MGST2: variants seen among roughly 807,000 people sequenced by gnomAD.
MGST2 encodes glutathione peroxidase MGST2.
In MGST2, 9 loss-of-function variants were observed where a neutral mutation model predicts 16.6. The ratio of observed to expected loss-of-function variants is 0.54; its 90% CI spans 0.33 to 0.95. MGST2 has a LOEUF of 0.95. MGST2 is among the 40% of genes least tolerant of loss of function. The pLI, the probability that MGST2 is intolerant of heterozygous loss-of-function variation, is 0.03. For missense variants in MGST2, 159 were observed against 175.1 expected, an observed-to-expected ratio of 0.91 and a Z score of 0.52; for synonymous variants, 79 against 68.0, an observed-to-expected ratio of 1.16 and a Z score of -0.79.
chr4:139,743,403 C>A (rs1553882), downstream of MGST2, among the ~76,000 whole-genome samples: 147,809 of 152,352 alleles, frequency 0.97, 71,853 homozygotes, highest in East Asian at 1. Context: ...TGATAGACAC[C>A]GTTTCTTGTA....
At position 139,715,970 on chromosome 4, in the gene MGST2, C is replaced by T. The variant is rs527783872; in HGVS notation, c.*48+11774C>T. The stretch of plus-strand genomic sequence containing the variant: ...TAACATGGAGTTGCTCTGGTTCACA[C>T]GCCTCTGACAAAACTCCTGGGCTCA... On this transcript the variant is annotated intron_variant, in intron 5 of 5. Transcript: ENST00000616265. This position sits in a 1 kb window ranked among gnomAD's most constrained non-coding sequence, Gnocchi z 4.4. Among the ~76,000 whole-genome samples, 19 of 152,258 alleles carry T rather than the reference C, an allele frequency of 1.2e-4. No homozygotes were observed. The highest frequency in any genetic ancestry group is 2.1e-4 in the Non-Finnish European group (14 of 68,026).
At chr4:139,750,077 C>G in the MGST2 span, among the ~76,000 whole-genome samples, 1 of 152,150 alleles carries the variant, frequency 6.6e-6, no homozygotes, top group Non-Finnish European at 1.5e-5. Flanking sequence ...GTGAAACACA[C>G]AAGAAACTCT....
At position 139,667,438 on chromosome 4, in the gene MGST2, C is replaced by T. The variant is rs368411211; in HGVS notation, c.58+1361C>T. Among the ~76,000 whole-genome samples, 19 of 128,736 alleles carry T rather than the reference C, an allele frequency of 1.5e-4. No individual in the cohort carries two copies. The East Asian group carries it at 4.3e-3, about 29-fold the overall frequency. The allele number at this position is 128,736 out of a possible 152,430, so 84.5% of individuals were successfully genotyped here. A position where few individuals can be genotyped will look rare whatever the true frequency, so the allele number is the denominator to read the frequency against. On this transcript the variant is annotated intron_variant, in intron 1 of 4. Coordinates refer to ENST00000265498, the MANE Select transcript of MGST2 (RefSeq NM_002413.5). ...AGGTGCTCATCCTCCCTGTTTGCTG[C>T]TTGTGCAGGGGGCTGTGTGAACTGG...
intron 1 of MGST2, among the ~76,000 whole-genome samples, chr4:139,673,348 T>A (rs1192203193): frequency 1.3e-5 from 2 of 152,164 alleles, no homozygotes; most frequent in Non-Finnish European, 2.9e-5. Context: ...CAAGGAGAAC[T>A]GGGCAGCTAA....
At chr4:139,723,718 TA>T (rs542311778) in intron 5 of MGST2, among the ~76,000 whole-genome samples, 2 of 152,130 alleles carry the variant, frequency 1.3e-5, no homozygotes, top group Non-Finnish European at 2.9e-5. Context: ...CCCCCACAAA[TA>T]ATACATGAGT....
At position 139,735,801 on chromosome 4, in the gene MGST2, G is replaced by C. The variant is rs530971619; in HGVS notation, c.*49-4411G>C. ...CCCGGCAGGACCTAGACTGCCTCTC[G>C]GCGCAGGCGGCCCTAACAAAGAAGC... On this transcript the variant is annotated intron_variant, in intron 5 of 5. Transcript: ENST00000616265. The surrounding 1 kb of genome is among the most constrained non-coding windows in gnomAD (Gnocchi z 5.8). 1.7e-3 allele frequency among the ~76,000 whole-genome samples: 261 copies of C among 152,216 alleles called. 2 individuals are homozygous for C. The highest frequency in any genetic ancestry group is 5.7e-3 in the African/African-American group (236 of 41,536).
At chr4:139,666,119 TG>T in intron 1 of MGST2, 42 bp downstream of exon 1, 1 of 414,844 alleles carries the variant, frequency 2.4e-6, no homozygotes, top group Non-Finnish European at 3.2e-6. Context: ...CGTGTGTGCG[TG>T]TGTGTGTGTG....
At chr4:139,709,010 A>G (rs201737931), downstream of MGST2, among the ~76,000 whole-genome samples, 42,900 of 137,780 alleles carry the variant, frequency 0.31, 8,173 homozygotes, top group Admixed American at 0.39. Flanking sequence ...AAAAAAAAAA[A>G]AAAAAGAAAA....
At chr4:139,686,219 C>A (rs1486766874) in intron 2 of MGST2, among the ~76,000 whole-genome samples, 2 of 152,148 alleles carry the variant, frequency 1.3e-5, no homozygotes, top group Non-Finnish European at 2.9e-5. Context: ...TCCTGGTTGA[C>A]AACTGGTTGA....
In MGST2 at chr4:139,672,628, G is replaced by A. The variant is rs546443594; in HGVS notation, c.59-5915G>A. On this transcript the variant is annotated intron_variant, in intron 1 of 4. Transcript: ENST00000265498. The stretch of plus-strand genomic sequence containing the variant: ...TACAGTGGTGCGATCTCAGCTCACT[G>A]CAACCTCCGCCTCCTGGGTTTCAGC... 2.1e-4 allele frequency among the ~76,000 whole-genome samples: 31 copies of A among 149,054 alleles called. No individual in the cohort carries two copies. In the South Asian group the frequency reaches 6.6e-3, roughly 32 times the overall value.
chr4:139,720,184 C>T lies in MGST2; in HGVS notation c.*48+15988C>T, dbSNP rs367655171. On this transcript the variant is annotated intron_variant, in intron 5 of 5. Coordinates refer to the MGST2 transcript ENST00000616265. ...AAGGGGCCAGTCCCATCTCCGACTG[C>T]GCAGCTGCGGTGGCCATCGTCCCAG... 4.2e-4 allele frequency: 672 copies of T among 1,613,904 alleles called. 1 individual carries two copies. Among genetic ancestry groups the T allele is most frequent in the East Asian group, 6.7e-4 (30 of 44,894 alleles).
downstream of MGST2, among the ~76,000 whole-genome samples, chr4:139,706,040 T>C (rs902795806): frequency 3.3e-5 from 5 of 152,330 alleles, no homozygotes; most frequent in African/African-American, 1.2e-4. Context: ...GTAGTACTTT[T>C]CTTTTTTTGT....
chr4:139,687,800 C>T (rs1436200637), intron 2 of MGST2: 1 of 152,178 alleles, frequency 6.6e-6, no homozygotes, highest in Non-Finnish European at 1.5e-5. Flanking sequence ...GTTACTAGCC[C>T]TGGGCTCCTT....
At position 139,701,028 on chromosome 4, in the gene MGST2, T is replaced by A. The variant is rs114563422; in HGVS notation, c.230-2427T>A. On this transcript the variant is annotated intron_variant, in intron 3 of 4. Transcript: ENST00000265498. The stretch of plus-strand genomic sequence containing the variant: ...AAAGACTTCTTCACTTTATTACAAC[T>A]ATACTTGTGTCGCTTAAGGGCATGA... Among the ~76,000 whole-genome samples, 1,078 of 152,326 alleles carry A rather than the reference T, an allele frequency of 7.1e-3. 11 individuals are homozygous for A. The highest frequency in any genetic ancestry group is 0.03 in the South Asian group (143 of 4,828).
Position 139,740,477 on chromosome 4 carries a change from T to G in MGST2, c.*314T>G, listed in dbSNP as rs888279895. 3 of 152,116 alleles carry G rather than the reference T, an allele frequency of 2.0e-5. No homozygotes were observed. In the East Asian group the frequency reaches 5.8e-4, roughly 29 times the overall value. 9.4% of individuals were successfully genotyped at this position (152,116 alleles called of 1,614,324 possible). On this transcript the variant is annotated 3_prime_UTR_variant, in exon 6 of 6. Transcript: ENST00000616265. The stretch of plus-strand genomic sequence containing the variant: ...TACCCATATGTTTGCTACCTTTCTT[T>G]CCTTGATTTAAAAATAGGGAGGGGG...
In MGST2 at chr4:139,691,915, C is replaced by T. The variant is rs536665112; in HGVS notation, c.159-3282C>T. ...CGGGGTTTCACCGTGTTAGCCAGGA[C>T]GGTCTCGATCTCCTGACCTCGTGAT... On this transcript the variant is annotated intron_variant, in intron 2 of 4. Coordinates refer to ENST00000265498, the MANE Select transcript of MGST2 (RefSeq NM_002413.5). Among the ~76,000 whole-genome samples, 24 of 152,126 alleles carry T rather than the reference C, an allele frequency of 1.6e-4. No individual in the cohort carries two copies. In the East Asian group the frequency reaches 3.7e-3, roughly 23 times the overall value.
intron 5 of MGST2, among the ~76,000 whole-genome samples, chr4:139,713,438 T>C (rs1727811409): frequency 1.4e-5 from 2 of 138,624 alleles, no homozygotes; most frequent in African/African-American, 5.5e-5. Context: ...GAAGTTATCT[T>C]AGGGCCTCTC....
intron 2 of MGST2, among the ~76,000 whole-genome samples, chr4:139,693,336 C>T (rs867539264): frequency 1.4e-5 from 2 of 141,562 alleles, no homozygotes; most frequent in Non-Finnish European, 3.0e-5. Context: ...ACCCAGGAGG[C>T]GGAGCTTGTA....
chr4:139,738,636 G>A (rs188780028), intron 5 of MGST2, among the ~76,000 whole-genome samples: 1 of 152,086 alleles, frequency 6.6e-6, no homozygotes, highest in Non-Finnish European at 1.5e-5. Context: ...ACATTTTGCC[G>A]ATTCCTTCCT....
Sources: gnomAD v4.1 joint callset for allele counts (sites outside exome capture counted in the v4.1 genomes callset) on GRCh38, gnomAD v4.1.1 for gene constraint, Gnocchi (gnomAD v3.1) non-coding constraint, MANE v1.5 for transcripts, NCBI Gene and HGNC (gene_info 2026-07-23, HGNC 2026-07-21) for gene names.